MANBA: variants seen among roughly 807,000 people sequenced by gnomAD.
MANBA encodes the protein beta-mannosidase.
MANBA carries 83 observed loss-of-function variants against 111.1 expected under a neutral mutation model. The ratio of observed to expected loss-of-function variants is 0.75; its 90% CI spans 0.63 to 0.90. MANBA has a LOEUF of 0.90. Ranked by LOEUF, MANBA falls within the 40% of genes least tolerant of loss-of-function variation. The pLI is 0.00. For synonymous variants in MANBA, 370 were observed against 378.7 expected (o/e 0.98, Z 0.27); for missense variants, 1,036 against 1,069.0 (o/e 0.97, Z 0.43).
At chr4:102,730,171 T>A (rs1399499411) in intron 1 of MANBA, 6 of 1,034,818 alleles carry the variant, frequency 5.8e-6, no homozygotes, top group East Asian at 2.4e-5. Context: ...CTGATGGACA[T>A]GGTGGAGGCA....
At chr4:102,653,664 A>G (rs1273328853) in intron 12 of MANBA, among the ~76,000 whole-genome samples, 1 of 152,214 alleles carries the variant, frequency 6.6e-6, no homozygotes, top group East Asian at 1.9e-4. Flanking sequence ...ATTCATAATG[A>G]GCAGCACTTA....
At chr4:102,741,221 G>A (rs967128138) in intron 1 of MANBA, among the ~76,000 whole-genome samples, 1 of 151,954 alleles carries the variant, frequency 6.6e-6, no homozygotes, top group African/African-American at 2.4e-5. Flanking sequence ...CAGGGAAATG[G>A]AAATCAAAAC....
chr4:102,728,462 G>C (rs1722895318), intron 1 of MANBA: 1 of 404,322 alleles, frequency 2.5e-6, no homozygotes, highest in Non-Finnish European at 4.8e-6. Context: ...CTCTTTGTAT[G>C]GTTTTTCGGA....
At chr4:102,724,256 C>G (rs879656842) in intron 2 of MANBA, among the ~76,000 whole-genome samples, 4 of 152,132 alleles carry the variant, frequency 2.6e-5, no homozygotes, top group Non-Finnish European at 5.9e-5. Context: ...CTTCAGAAAG[C>G]TATTATGAGA....
chr4:102,760,914 G>A lies in MANBA; in HGVS notation c.-20C>T, dbSNP rs775535548. On this transcript the variant is annotated 5_prime_UTR_variant, in exon 1 of 17. Coordinates refer to ENST00000647097, the MANE Select transcript of MANBA (RefSeq NM_005908.4). ...GCGCATCTTGAGATCCCGCGCCACC[G>A]AGATGTGGAGAGATCGAAAGGCAGC... The A allele has an allele frequency of 2.6e-6, 4 of 1,547,712 alleles. No homozygotes were observed. Among genetic ancestry groups the A allele is most frequent in the African/African-American group, 1.4e-5 (1 of 73,708 alleles).
chr4:102,736,157 T>C (rs1723209462), intron 1 of MANBA, among the ~76,000 whole-genome samples: 2 of 152,198 alleles, frequency 1.3e-5, no homozygotes, highest in African/African-American at 4.8e-5. Context: ...GAGGACTGAC[T>C]CAGAACCAGG....
intron 14 of MANBA, among the ~76,000 whole-genome samples, chr4:102,638,838 C>A (rs1296615267): frequency 6.6e-6 from 1 of 152,110 alleles, no homozygotes; most frequent in East Asian, 1.9e-4. Flanking sequence ...GAATGAATTT[C>A]TTTTGATCTG....
chr4:102,676,305 T>G (rs1236452868), intron 7 of MANBA, among the ~76,000 whole-genome samples: 1 of 152,190 alleles, frequency 6.6e-6, no homozygotes, highest in Non-Finnish European at 1.5e-5. Context: ...ATATTTAAAC[T>G]TATACATGAT....
Position 102,631,721 on chromosome 4 carries a change from A to G in MANBA, c.*336T>C. 1 of 553,146 alleles carries G rather than the reference A, an allele frequency of 1.8e-6. No individual in the cohort carries two copies. The highest frequency in any genetic ancestry group is 3.2e-6 in the Non-Finnish European group (1 of 314,566). 34.3% of individuals were successfully genotyped at this position (553,146 alleles called of 1,614,324 possible). A position where few individuals can be genotyped will look rare whatever the true frequency, so the allele number is the denominator to read the frequency against. On this transcript the variant is annotated 3_prime_UTR_variant, in exon 17 of 17. Transcript: ENST00000647097. ...CAAAACCTTCCATTTGGTTCCATAGATCCTGCCATGTCACATTCTTGTAAC... is the reference window on the plus strand; with the variant it reads ...CAAAACCTTCCATTTGGTTCCATAGGTCCTGCCATGTCACATTCTTGTAAC...
At position 102,650,534 on chromosome 4, in the gene MANBA, T is replaced by A. The variant is rs538787092; in HGVS notation, c.1869+3A>T. 8.1e-6 allele frequency: 13 copies of A among 1,610,192 alleles called. No homozygotes were observed. In the African/African-American group the frequency reaches 1.7e-4, roughly 21 times the overall value. On this transcript the variant is annotated splice_donor_region_variant and intron_variant, in intron 13 of 16. Transcript: ENST00000647097. The stretch of plus-strand genomic sequence containing the variant: ...GTTCAATTCTAGAATGAAAACAACT[T>A]ACCTGAGTAAGGTAGATGGTATCTT...
chr4:102,743,197 C>T (rs990935107), intron 1 of MANBA, among the ~76,000 whole-genome samples: 17 of 152,234 alleles, frequency 1.1e-4, no homozygotes, highest in East Asian at 3.8e-4. Flanking sequence ...GGTCCACCCA[C>T]GTACCTCTTC....
rs889307883 is a variant in MANBA at position 102,631,175 on chromosome 4, T to C, written c.*882A>G. ...GTGTACATATAAAATGAGGATACTC[T>C]TAGATACTGAAGAAGACTGGATTGT... On this transcript the variant is annotated 3_prime_UTR_variant, in exon 17 of 17. Transcript: ENST00000647097. 2.0e-5 allele frequency: 3 copies of C among 151,190 alleles called. No individual in the cohort carries two copies. The highest frequency in any genetic ancestry group is 7.3e-5 in the African/African-American group (3 of 40,942). 9.4% of individuals were successfully genotyped at this position (151,190 alleles called of 1,614,324 possible). A position where few individuals can be genotyped will look rare whatever the true frequency, so the allele number is the denominator to read the frequency against.
At chr4:102,685,734 A>C (rs1040167339) in intron 7 of MANBA, among the ~76,000 whole-genome samples, 2 of 152,162 alleles carry the variant, frequency 1.3e-5, no homozygotes, top group Non-Finnish European at 2.9e-5. Flanking sequence ...AAGTTCCAAC[A>C]ATAATACAAA....
chr4:102,637,403 C>T (rs1729679075), intron 14 of MANBA, among the ~76,000 whole-genome samples: 1 of 152,156 alleles, frequency 6.6e-6, no homozygotes, highest in Non-Finnish European at 1.5e-5. Context: ...AGAAGGTGTC[C>T]TGCCTCATAC....
chr4:102,660,716 A>G (rs1355338489), intron 11 of MANBA, among the ~76,000 whole-genome samples: 1 of 150,894 alleles, frequency 6.6e-6, no homozygotes, highest in Admixed American at 6.6e-5. Flanking sequence ...TCAGCTCCCA[A>G]GTCACTGGGG....
intron 4 of MANBA, 48 bp from the exon 5 acceptor site, chr4:102,714,609 T>C: frequency 1.3e-6 from 2 of 1,558,486 alleles, no homozygotes; most frequent in Non-Finnish European, 1.8e-6. Flanking sequence ...TATGGTGAAA[T>C]TTAAACATTA....
chr4:102,725,885 T>C (rs1277103690), intron 2 of MANBA, among the ~76,000 whole-genome samples: 1 of 152,118 alleles, frequency 6.6e-6, no homozygotes, highest in Non-Finnish European at 1.5e-5. Flanking sequence ...AAAATGGTGT[T>C]ACATCAAGAA....
intron 1 of MANBA, chr4:102,752,508 G>T: frequency 1.4e-6 from 1 of 727,976 alleles, no homozygotes; most frequent in South Asian, 1.3e-5. Flanking sequence ...GAAGTTGTAT[G>T]ATCTGGCTGC....
chr4:102,711,542 T>C (rs541235392), intron 5 of MANBA, among the ~76,000 whole-genome samples: 44 of 152,228 alleles, frequency 2.9e-4, no homozygotes, highest in Middle Eastern at 3.4e-3. Flanking sequence ...ACAATGGAAA[T>C]ACTATATTTC....
Sources: allele counts gnomAD v4.1 joint callset (sites outside exome capture counted in the v4.1 genomes callset), GRCh38; gene constraint gnomAD v4.1.1; transcripts MANE v1.5; gene names NCBI Gene and HGNC (gene_info 2026-07-23, HGNC 2026-07-21).